The following AP3B1 variants were observed in gnomAD, a reference collection of about 807,000 sequenced individuals.
AP3B1 encodes AP-3 complex subunit beta-1.
AP3B1 carries 61 observed loss-of-function variants against 132.5 expected under a neutral mutation model. That is an observed-to-expected ratio of 0.46 (90% confidence interval 0.37 to 0.57). The LOEUF (loss-of-function observed/expected upper bound fraction) is 0.57. AP3B1 is among the 20% of genes least tolerant of loss of function. The pLI is 0.00. For synonymous variants in AP3B1, 388 were observed against 438.3 expected (o/e 0.89, Z 1.43); for missense variants, 1,120 against 1,289.4 (o/e 0.87, Z 2.01).
chr5:78,184,863 G>C (rs1377320302), intron 7 of AP3B1, among the ~76,000 whole-genome samples: 5 of 152,178 alleles, frequency 3.3e-5, no homozygotes, highest in Admixed American at 1.3e-4. Flanking sequence ...ACAAATTGAG[G>C]AAGCTGAGTA....
rs1750423305 is a variant in AP3B1, at chr5:78,089,559, G to A, written c.2471-60C>T. 4.6e-6 allele frequency: 5 copies of A among 1,091,602 alleles called. 1 individual carries two copies. The highest frequency in any genetic ancestry group is 4.0e-4 in the Middle Eastern group (2 of 5,054). The allele number at this position is 1,091,602 out of a possible 1,614,324, so 67.6% of individuals were successfully genotyped here. A position where few individuals can be genotyped will look rare whatever the true frequency, so the allele number is the denominator to read the frequency against. Reference sequence around the variant, plus strand: ...GAACGTTTAATTCAAATTATTAAAAGCAACATTTTTATTTTGTTAGTAAAT... The same window carrying A: ...GAACGTTTAATTCAAATTATTAAAAACAACATTTTTATTTTGTTAGTAAAT... On this transcript the variant is annotated intron_variant, in intron 21 of 26. Transcript: ENST00000255194.
intron 1 of AP3B1, among the ~76,000 whole-genome samples, chr5:78,273,167 G>A (rs753249571): frequency 6.6e-6 from 1 of 150,458 alleles, no homozygotes; most frequent in Non-Finnish European, 1.5e-5. Flanking sequence ...CAGTTTGGGA[G>A]GCCGAGGCTA....
chr5:78,018,824 A>ATAAGC (rs1433605625), intron 25 of AP3B1, among the ~76,000 whole-genome samples: 2 of 152,094 alleles, frequency 1.3e-5, no homozygotes, highest in African/African-American at 4.8e-5. Flanking sequence ...TTTTGTGGAA[A>ATAAGC]TAAGCTAAGC....
chr5:78,181,133 T>C (rs1396851880), intron 8 of AP3B1, among the ~76,000 whole-genome samples: 1 of 152,106 alleles, frequency 6.6e-6, no homozygotes, highest in African/African-American at 2.4e-5. Context: ...ACATAGTTCT[T>C]ATATAAGAGC....
chr5:78,085,615 T>C (rs1315626457), intron 22 of AP3B1, among the ~76,000 whole-genome samples: 1 of 152,178 alleles, frequency 6.6e-6, no homozygotes, highest in Non-Finnish European at 1.5e-5. Flanking sequence ...CCAGTTCTAG[T>C]CCTTTTGCTC....
chr5:78,101,138 A>AT, intron 20 of AP3B1, 113 bp from the exon 21 acceptor site: 1 of 635,092 alleles, frequency 1.6e-6, no homozygotes, highest in East Asian at 2.8e-5. Context: ...GTACCAACAA[A>AT]TTAAACTTCT....
intron 17 of AP3B1, among the ~76,000 whole-genome samples, chr5:78,118,607 G>T (rs968818612): frequency 6.6e-6 from 1 of 152,232 alleles, no homozygotes; most frequent in African/African-American, 2.4e-5. Context: ...AAACTGCAAG[G>T]CGGCAGTGAG....
chr5:78,276,379 T>C (rs1477953456), intron 1 of AP3B1, among the ~76,000 whole-genome samples: 1 of 152,192 alleles, frequency 6.6e-6, no homozygotes, highest in Non-Finnish European at 1.5e-5. Context: ...CAACATACTT[T>C]GTGATTTGAC....
At chr5:78,057,987 T>TA (rs1173649282) in intron 22 of AP3B1, among the ~76,000 whole-genome samples, 1 of 152,196 alleles carries the variant, frequency 6.6e-6, no homozygotes, top group African/African-American at 2.4e-5. Context: ...ATTAGCCAGG[T>TA]AAATAATCAC....
chr5:78,169,900 T>C (rs1255986634), intron 11 of AP3B1, among the ~76,000 whole-genome samples: 1 of 152,076 alleles, frequency 6.6e-6, no homozygotes, highest in African/African-American at 2.4e-5. Context: ...ATGTTATCCC[T>C]CCCACAGCCC....
At chr5:78,197,115 A>G (rs941667350) in intron 7 of AP3B1, among the ~76,000 whole-genome samples, 1 of 152,184 alleles carries the variant, frequency 6.6e-6, no homozygotes, top group Non-Finnish European at 1.5e-5. Context: ...TAGAGGATAT[A>G]TAAGAAATCC....
chr5:78,001,256 C>G (rs530140838), downstream of AP3B1: 1 of 152,176 alleles, frequency 6.6e-6, no homozygotes, highest in African/African-American at 2.4e-5. Context: ...CTGTCAAATT[C>G]TGTCTGACAT....
intron 24 of AP3B1, among the ~76,000 whole-genome samples, 175 bp downstream of exon 24, chr5:78,034,186 A>G (rs1190699296): frequency 6.6e-6 from 1 of 152,020 alleles, no homozygotes; most frequent in Non-Finnish European, 1.5e-5. Context: ...CTAAAAATAC[A>G]TATACTACAC....
chr5:78,211,251 T>C (rs1266073678), intron 7 of AP3B1, among the ~76,000 whole-genome samples: 1 of 152,186 alleles, frequency 6.6e-6, no homozygotes, highest in Non-Finnish European at 1.5e-5. Context: ...GAATTCCTAG[T>C]GCACTGTATA....
intron 2 of AP3B1, among the ~76,000 whole-genome samples, chr5:78,247,495 T>C (rs1197317211): frequency 6.6e-6 from 1 of 151,418 alleles, no homozygotes; most frequent in Non-Finnish European, 1.5e-5. Flanking sequence ...ATCTTTCCTG[T>C]CAGTTCTAAC....
chr5:78,098,873 T>C (rs1292294593), intron 21 of AP3B1, among the ~76,000 whole-genome samples: 1 of 152,138 alleles, frequency 6.6e-6, no homozygotes, highest in Non-Finnish European at 1.5e-5. Flanking sequence ...AATTTTAAGG[T>C]AATTTCAGAT....
chr5:78,280,784 C>T (rs907619090), intron 1 of AP3B1, among the ~76,000 whole-genome samples: 3 of 152,108 alleles, frequency 2.0e-5, no homozygotes. Context: ...AACCAATATG[C>T]AATGTCTGCC....
intron 7 of AP3B1, among the ~76,000 whole-genome samples, chr5:78,212,958 A>G (rs1745805906): frequency 1.3e-5 from 2 of 152,030 alleles, no homozygotes; most frequent in South Asian, 2.1e-4. Context: ...GCTCACTGCA[A>G]GCTCTGCCTC....
chr5:78,090,344 T>C (rs1750458849), intron 21 of AP3B1, among the ~76,000 whole-genome samples: 2 of 152,366 alleles, frequency 1.3e-5, no homozygotes, highest in South Asian at 2.1e-4. Flanking sequence ...GTGGCCGCCA[T>C]ACTGGACTAT....
Sources: gnomAD v4.1 joint callset for allele counts (sites outside exome capture counted in the v4.1 genomes callset) on GRCh38, gnomAD v4.1.1 for gene constraint, MANE v1.5 for transcripts, NCBI Gene and HGNC (gene_info 2026-07-23, HGNC 2026-07-21) for gene names.